The following NCKAP5 variants were observed in gnomAD, a reference collection of about 807,000 sequenced individuals.
NCKAP5 encodes nck-associated protein 5.
NCKAP5 carries 92 observed loss-of-function variants against 167.0 expected under a neutral mutation model. The observed-to-expected ratio is 0.55, with a 90% CI of 0.47 to 0.66. The LOEUF (loss-of-function observed/expected upper bound fraction) is 0.66. NCKAP5 is among the 30% of genes least tolerant of loss of function. The probability of loss-of-function intolerance (pLI) is 0.00; values close to 1 mark genes in which losing one functional copy is unlikely to be tolerated. For synonymous variants in NCKAP5, 891 were observed against 877.4 expected (o/e 1.02, Z -0.27); for missense variants, 2,378 against 2,315.0 (o/e 1.03, Z -0.56).
chr2:132,980,814 C>T (rs1375286934), intron 7 of NCKAP5, among the ~76,000 whole-genome samples: 5 of 152,066 alleles, frequency 3.3e-5, no homozygotes, highest in Admixed American at 2.6e-4. Context: ...AAGAAAAATA[C>T]AATAACAGTA....
chr2:133,456,459 A>C (rs910324442), intron 3 of NCKAP5, among the ~76,000 whole-genome samples: 1 of 152,136 alleles, frequency 6.6e-6, no homozygotes, highest in South Asian at 2.1e-4. Context: ...ATGTGATAAG[A>C]ATGGCGGGAC....
At chr2:133,266,972 C>G (rs1441028782) in intron 4 of NCKAP5, among the ~76,000 whole-genome samples, 2 of 152,112 alleles carry the variant, frequency 1.3e-5, no homozygotes, top group Admixed American at 6.5e-5. Context: ...CCGGGCCCCC[C>G]CATCAGAAGC....
At chr2:133,438,205 T>C (rs6414013) in intron 3 of NCKAP5, among the ~76,000 whole-genome samples, 15,673 of 152,262 alleles carry the variant, frequency 0.1, 1,541 homozygotes, top group East Asian at 0.27. Flanking sequence ...ACAGGTGTTG[T>C]TGGGTGCCAG....
intron 3 of NCKAP5, among the ~76,000 whole-genome samples, chr2:133,369,181 G>A (rs913581455): frequency 2.6e-5 from 4 of 152,184 alleles, no homozygotes; most frequent in Non-Finnish European, 4.4e-5. Context: ...TCACGGGTGG[G>A]ACAAAGGCAC....
At chr2:133,457,687 C>A in intron 3 of NCKAP5, among the ~76,000 whole-genome samples, 1 of 152,072 alleles carries the variant, frequency 6.6e-6, no homozygotes, top group Non-Finnish European at 1.5e-5. Context: ...AGGTGCAAGG[C>A]AACTCAAATA....
At chr2:133,509,009 G>C (rs1200739469) in intron 3 of NCKAP5, among the ~76,000 whole-genome samples, 1 of 152,154 alleles carries the variant, frequency 6.6e-6, no homozygotes, top group Non-Finnish European at 1.5e-5. Context: ...TCTGATGCTG[G>C]CAGACAACAC....
At chr2:133,545,797 A>G (rs1686613458) in intron 2 of NCKAP5, among the ~76,000 whole-genome samples, 1 of 152,236 alleles carries the variant, frequency 6.6e-6, no homozygotes, top group African/African-American at 2.4e-5. Flanking sequence ...CCAAACGCTT[A>G]TCTTTTACAA....
chr2:133,401,154 C>CA (rs1688072194), intron 3 of NCKAP5, among the ~76,000 whole-genome samples: 1 of 152,134 alleles, frequency 6.6e-6, no homozygotes, highest in Non-Finnish European at 1.5e-5. Flanking sequence ...AGAACGTCCA[C>CA]AAAAAATCCT....
intron 3 of NCKAP5, among the ~76,000 whole-genome samples, chr2:133,341,325 C>G (rs1683570535): frequency 6.7e-6 from 1 of 149,400 alleles, no homozygotes; most frequent in Admixed American, 6.7e-5. Context: ...AAGATCATGA[C>G]TAATTCCCCT....
the NCKAP5 span, among the ~76,000 whole-genome samples, chr2:133,653,077 C>T: frequency 6.6e-6 from 1 of 152,166 alleles, no homozygotes; most frequent in Non-Finnish European, 1.5e-5. Flanking sequence ...CCCAATGTTC[C>T]CAGTTTTAGG....
chr2:133,251,679 C>G (rs1435225214), intron 4 of NCKAP5, among the ~76,000 whole-genome samples: 3 of 152,134 alleles, frequency 2.0e-5, no homozygotes, highest in African/African-American at 7.2e-5. Flanking sequence ...GAGAAAAGCC[C>G]TCATTCACTA....
intron 16 of NCKAP5, among the ~76,000 whole-genome samples, chr2:132,754,491 A>T (rs2104810349): frequency 6.6e-6 from 1 of 152,332 alleles, no homozygotes; most frequent in Non-Finnish European, 1.5e-5. Context: ...CAAGGGGTTT[A>T]TTAGGAAGTA....
chr2:133,438,690 C>A (rs1175753990), intron 3 of NCKAP5, among the ~76,000 whole-genome samples: 1 of 151,890 alleles, frequency 6.6e-6, no homozygotes, highest in Non-Finnish European at 1.5e-5. Flanking sequence ...GTGTCTGGCA[C>A]CTAAAACAAA....
chr2:133,054,261 A>G (rs2079712128), intron 6 of NCKAP5, among the ~76,000 whole-genome samples: 1 of 152,228 alleles, frequency 6.6e-6, no homozygotes, highest in Non-Finnish European at 1.5e-5. Flanking sequence ...AGTATTAGCA[A>G]TATGATGGTA....
intron 6 of NCKAP5, among the ~76,000 whole-genome samples, chr2:133,036,584 T>C (rs191544625): frequency 7.7e-4 from 117 of 152,136 alleles, no homozygotes; most frequent in Admixed American, 7.5e-3. Flanking sequence ...ATCATTTCAA[T>C]TGATGCTGAA....
the NCKAP5 span, among the ~76,000 whole-genome samples, chr2:133,634,040 T>A: frequency 6.6e-6 from 1 of 152,222 alleles, no homozygotes; most frequent in South Asian, 2.1e-4. Flanking sequence ...ACCAGCCACT[T>A]CAGTCTTGCC....
chr2:133,299,468 C>T (rs1044896372), intron 4 of NCKAP5, among the ~76,000 whole-genome samples: 29 of 152,186 alleles, frequency 1.9e-4, no homozygotes, highest in African/African-American at 6.3e-4. Flanking sequence ...ATAAAGGGGC[C>T]GGGCCCGGGG....
chr2:133,464,126 T>A (rs570649631), intron 3 of NCKAP5, among the ~76,000 whole-genome samples: 41 of 152,238 alleles, frequency 2.7e-4, no homozygotes, highest in African/African-American at 9.9e-4. Flanking sequence ...TCACTAGCAA[T>A]ATATATGAGT....
chr2:132,849,140 C>T (rs1688893649), intron 11 of NCKAP5, among the ~76,000 whole-genome samples: 1 of 152,092 alleles, frequency 6.6e-6, no homozygotes, highest in Non-Finnish European at 1.5e-5. Context: ...CGCAGGGTCC[C>T]TGAATATCTT....
Sources: allele counts gnomAD v4.1 joint callset (sites outside exome capture counted in the v4.1 genomes callset), GRCh38; gene constraint gnomAD v4.1.1; transcripts MANE v1.5; gene names NCBI Gene and HGNC (gene_info 2026-07-23, HGNC 2026-07-21).